PDE3A: variants seen among roughly 807,000 people sequenced by gnomAD.
The protein encoded by PDE3A is cGMP-inhibited 3',5'-cyclic phosphodiesterase 3A.
A neutral mutation model predicts 98.3 loss-of-function variants in PDE3A; 43 were observed. That is an observed-to-expected ratio of 0.44 (90% CI 0.34 to 0.56). The LOEUF is 0.56. PDE3A is among the 20% of genes least tolerant of loss of function. The pLI, the probability that PDE3A is intolerant of heterozygous loss-of-function variation, is 0.01. For missense variants in PDE3A, 1,427 were observed against 1,440.7 expected, an observed-to-expected ratio of 0.99 and a Z score of 0.15; for synonymous variants, 663 against 567.9, an observed-to-expected ratio of 1.17 and a Z score of -2.38.
chr12:20,652,387 A>T (rs1240366836), intron 14 of PDE3A, among the ~76,000 whole-genome samples: 3 of 40,626 alleles, frequency 7.4e-5, no homozygotes, highest in Non-Finnish European at 1.5e-4. Flanking sequence ...TCCCACCAAC[A>T]GTGTAAAAGT....
At chr12:20,577,057 GA>G (rs1401003048) in intron 2 of PDE3A, among the ~76,000 whole-genome samples, 4 of 152,034 alleles carry the variant, frequency 2.6e-5, no homozygotes, top group Non-Finnish European at 5.9e-5. Flanking sequence ...TTTAGAGGGG[GA>G]AAATATTAAA....
chr12:20,508,801 A>G (rs1946164475), intron 1 of PDE3A, among the ~76,000 whole-genome samples: 2 of 93,894 alleles, frequency 2.1e-5, no homozygotes, highest in African/African-American at 8.7e-5. Flanking sequence ...TAATTAACCA[A>G]GTAGTTGATA....
intron 15 of PDE3A, among the ~76,000 whole-genome samples, chr12:20,673,764 G>A (rs950902412): frequency 6.8e-6 from 1 of 147,780 alleles, no homozygotes; most frequent in Admixed American, 6.8e-5. Flanking sequence ...CGAGTTAGTG[G>A]GTGCAGTGCA....
chr12:20,597,927 G>A (rs1943503377), intron 2 of PDE3A, among the ~76,000 whole-genome samples: 2 of 152,032 alleles, frequency 1.3e-5, no homozygotes, highest in Non-Finnish European at 2.9e-5. Context: ...TATTGAAATA[G>A]GGTAAATTTG....
rs573940754 is a variant in PDE3A at position 20,377,632 on chromosome 12, TTA to T, written c.960+7392_960+7393del. 4.6e-5 allele frequency among the ~76,000 whole-genome samples: 7 copies of T among 151,992 alleles called. No homozygotes were observed. The South Asian group carries it at 1.5e-3, about 31-fold the overall frequency. On this transcript the variant is annotated intron_variant, in intron 1 of 15. Coordinates refer to ENST00000359062, the MANE Select transcript of PDE3A (RefSeq NM_000921.5). ...TAATAACAATATACAGTCTTTAAAA[TTA>T]TATGTGTAATCTTGATAGCTCATTT...
At chr12:20,377,361 A>G (rs1248905921) in intron 1 of PDE3A, among the ~76,000 whole-genome samples, 1 of 151,864 alleles carries the variant, frequency 6.6e-6, no homozygotes, top group Admixed American at 6.6e-5. Context: ...ATAGCATGTC[A>G]ACATGTAATC....
intron 1 of PDE3A, among the ~76,000 whole-genome samples, chr12:20,452,815 G>A (rs1945090154): frequency 6.6e-6 from 1 of 152,170 alleles, no homozygotes. Flanking sequence ...AAGCATGCCA[G>A]CCCCCTGACA....
Position 20,369,513 on chromosome 12 carries a change from C to T in PDE3A, c.229C>T (p.Leu77=). ...CTCCCTGTCCTTTCTGCTGGCGCTG[C>T]TGGTGAGGCTGGTCCGCGGGGAGGT... ...AGSLSFLLAL[L]VRLVRGEVGC... The change falls in exon 1 of 16, where the codon CTG becomes TTG. Residue 77 remains leucine (L), a synonymous_variant. Coordinates refer to ENST00000359062, the MANE Select transcript of PDE3A (RefSeq NM_000921.5). The T allele has an allele frequency of 6.4e-7, 1 of 1,559,696 alleles. No homozygotes were observed. Among genetic ancestry groups the T allele is most frequent in the Non-Finnish European group, 8.7e-7 (1 of 1,151,804 alleles).
chr12:20,567,547 T>C (rs1447954623), intron 2 of PDE3A, among the ~76,000 whole-genome samples: 1 of 152,020 alleles, frequency 6.6e-6, no homozygotes, highest in Non-Finnish European at 1.5e-5. Flanking sequence ...AAGGAGAAGA[T>C]AGTATTTAAA....
chr12:20,413,546 G>C (rs1315715117), intron 1 of PDE3A, among the ~76,000 whole-genome samples: 1 of 152,116 alleles, frequency 6.6e-6, no homozygotes, highest in Non-Finnish European at 1.5e-5. Flanking sequence ...GTAGAATGCT[G>C]GGGAAATGGA....
At chr12:20,651,870 A>G (rs1944927461) in intron 14 of PDE3A, among the ~76,000 whole-genome samples, 1 of 152,100 alleles carries the variant, frequency 6.6e-6, no homozygotes. Context: ...TGCGCCCATT[A>G]ACTCATCATT....
chr12:20,386,007 A>T (rs1488369568), intron 1 of PDE3A, among the ~76,000 whole-genome samples: 1 of 107,338 alleles, frequency 9.3e-6, no homozygotes, highest in East Asian at 2.2e-4. Flanking sequence ...TATATATATA[A>T]ATATATATAA....
At position 20,369,944 on chromosome 12, in the gene PDE3A, G is replaced by T. The variant is rs61729386; in HGVS notation, c.660G>T (p.Ala220=). 1.4e-3 allele frequency: 2,306 copies of T among 1,613,436 alleles called. 24 individuals are homozygous for T. The African/African-American group carries it at 0.026, about 18-fold the overall frequency. The change falls in exon 1 of 16, where the codon GCG becomes GCT. Residue 220 remains alanine, a synonymous_variant. Coordinates refer to ENST00000359062, the MANE Select transcript of PDE3A (RefSeq NM_000921.5). ...TCCTCATGATCGCCTTGACTAGCGC[G>T]GTCAGGACCGTGTCCCTCATTTCCT... The part of the protein sequence containing the change: ...LGVLMIALTS[A]VRTVSLISLE...
Position 20,632,136 on chromosome 12 carries a change from C to G in PDE3A, c.1761-1557C>G, listed in dbSNP as rs377053367. Reference sequence around the variant, plus strand: ...AAACTCGACTTCTCCTGAGCTTCGTCTGAGAATGTAAGCCTACCAATTGCA... The same window carrying G: ...AAACTCGACTTCTCCTGAGCTTCGTGTGAGAATGTAAGCCTACCAATTGCA... On this transcript the variant is annotated intron_variant, in intron 6 of 15. Coordinates refer to ENST00000359062, the MANE Select transcript of PDE3A (RefSeq NM_000921.5). Among the ~76,000 whole-genome samples the G allele has an allele frequency of 2.6e-5, 4 of 152,230 alleles. No individual in the cohort carries two copies. The South Asian group carries it at 8.3e-4, about 31-fold the overall frequency.
At chr12:20,630,603 G>A (rs955898966) in intron 6 of PDE3A, among the ~76,000 whole-genome samples, 1 of 152,110 alleles carries the variant, frequency 6.6e-6, no homozygotes, top group African/African-American at 2.4e-5. Flanking sequence ...GACTCAAATA[G>A]TTCTCTGAAT....
chr12:20,441,492 T>G (rs1168369971), intron 1 of PDE3A, among the ~76,000 whole-genome samples: 1 of 152,204 alleles, frequency 6.6e-6, no homozygotes, highest in African/African-American at 2.4e-5. Flanking sequence ...AGCCAGGTAC[T>G]TTGCTAAAAT....
At chr12:20,586,220 G>A (rs372589383) in intron 2 of PDE3A, among the ~76,000 whole-genome samples, 3 of 152,196 alleles carry the variant, frequency 2.0e-5, no homozygotes, top group East Asian at 1.9e-4. Context: ...AATGGCATGA[G>A]TTGAGATGGA....
intron 1 of PDE3A, among the ~76,000 whole-genome samples, chr12:20,520,312 A>G (rs1018045183): frequency 1.5e-4 from 23 of 152,210 alleles, no homozygotes; most frequent in Non-Finnish European, 3.4e-4. Context: ...CAATGACATC[A>G]TGATTCCTAA....
intron 13 of PDE3A, 39 bp downstream of exon 13, chr12:20,648,930 T>C (rs1565462559): frequency 3.0e-5 from 35 of 1,148,998 alleles, no homozygotes; most frequent in South Asian, 7.6e-5. Context: ...TCTTTTTCTT[T>C]TTTTTTTTTT....
Sources: gnomAD v4.1 joint callset for allele counts (sites outside exome capture counted in the v4.1 genomes callset) on GRCh38, gnomAD v4.1.1 for gene constraint, MANE v1.5 for transcripts, NCBI Gene and HGNC (gene_info 2026-07-23, HGNC 2026-07-21) for gene names.